Variants in PCSK6 observed in about 807,000 individuals in gnomAD.
PCSK6 encodes proprotein convertase subtilisin/kexin type 6, also known as paired basic amino acid cleaving enzyme 4.
Under a neutral mutation model 123.3 loss-of-function variants are expected in PCSK6, and 85 were observed. The observed-to-expected ratio is 0.69, with a 90% confidence interval of 0.58 to 0.83. PCSK6 has a LOEUF of 0.83. Ranked by LOEUF, PCSK6 falls within the 40% of genes least tolerant of loss-of-function variation. The pLI, the probability that PCSK6 is intolerant of heterozygous loss-of-function variation, is 0.00. For missense variants in PCSK6, 1,191 were observed against 1,282.3 expected (o/e 0.93, Z 1.09); for synonymous variants, 508 against 516.0 (o/e 0.98, Z 0.21).
At chr15:101,440,297 A>G (rs1386644605) in intron 2 of PCSK6, among the ~76,000 whole-genome samples, 1 of 152,260 alleles carries the variant, frequency 6.6e-6, no homozygotes, top group Non-Finnish European at 1.5e-5. Flanking sequence ...GACGGTAAGA[A>G]AAACATCAAG....
rs146289043 is a variant in PCSK6, at chr15:101,386,517, C to T, written c.1311-2092G>A. On this transcript the variant is annotated intron_variant, in intron 9 of 21. Coordinates refer to ENST00000611716, the MANE Select transcript of PCSK6 (RefSeq NM_002570.5). ...GTCCCACGGGACACTCAGTCCCCATCGCTCCTTCTGCAGCCCCTGGCAGGC... is the reference window on the plus strand; with the variant it reads ...GTCCCACGGGACACTCAGTCCCCATTGCTCCTTCTGCAGCCCCTGGCAGGC... 6.0e-4 allele frequency among the ~76,000 whole-genome samples: 91 copies of T among 152,342 alleles called. No individual in the cohort carries two copies. The South Asian group carries it at 6.6e-3, about 11-fold the overall frequency.
At chr15:101,459,023 G>A (rs1351932930) in intron 1 of PCSK6, among the ~76,000 whole-genome samples, 2 of 152,186 alleles carry the variant, frequency 1.3e-5, no homozygotes, top group African/African-American at 2.4e-5. Context: ...AGTGGCGTGT[G>A]TGTAGCTTCT....
At chr15:101,336,810 TG>T in intron 13 of PCSK6, 1 of 19,502 alleles carries the variant, frequency 5.1e-5, no homozygotes, top group African/African-American at 6.7e-4. Flanking sequence ...GGCCAGGCAC[TG>T]ACTGAGCTAA....
chr15:101,319,886 T>G (rs2040076290), intron 18 of PCSK6, among the ~76,000 whole-genome samples: 2 of 152,184 alleles, frequency 1.3e-5, no homozygotes, highest in Non-Finnish European at 2.9e-5. Flanking sequence ...AAGTAAAGTC[T>G]TTCCCTGTGA....
At chr15:101,385,835 A>C (rs1467920278) in intron 9 of PCSK6, among the ~76,000 whole-genome samples, 1 of 152,246 alleles carries the variant, frequency 6.6e-6, no homozygotes, top group Admixed American at 6.5e-5. Context: ...AGTGAAAAGA[A>C]AGATGTATGG....
chr15:101,458,633 G>A (rs1037829053), intron 1 of PCSK6, among the ~76,000 whole-genome samples: 4 of 152,056 alleles, frequency 2.6e-5, no homozygotes, highest in African/African-American at 7.2e-5. Flanking sequence ...CACCCGAAGC[G>A]CGACTGACGG....
chr15:101,410,676 G>T (rs1261497755), intron 6 of PCSK6, among the ~76,000 whole-genome samples: 2 of 152,214 alleles, frequency 1.3e-5, no homozygotes, highest in Admixed American at 1.3e-4. Context: ...CACTGGGCTT[G>T]GTGGCAGCTG....
chr15:101,315,663 G>A (rs2039973573), intron 19 of PCSK6, among the ~76,000 whole-genome samples: 1 of 152,256 alleles, frequency 6.6e-6, no homozygotes, highest in Admixed American at 6.5e-5. Context: ...GCCGTCTCAG[G>A]CACAGGACGC....
At chr15:101,390,610 A>G (rs1275072011) in intron 8 of PCSK6, among the ~76,000 whole-genome samples, 1 of 152,206 alleles carries the variant, frequency 6.6e-6, no homozygotes, top group Non-Finnish European at 1.5e-5. Context: ...GGTGGCCTCC[A>G]AAGGCTGAGA....
intron 6 of PCSK6, among the ~76,000 whole-genome samples, chr15:101,408,484 A>C (rs925616578): frequency 2.0e-5 from 3 of 152,240 alleles, no homozygotes; most frequent in African/African-American, 7.2e-5. Context: ...CCAGGGAGAC[A>C]CAGGGCAGAA....
chr15:101,473,704 C>G (rs2057659180), intron 1 of PCSK6, among the ~76,000 whole-genome samples: 1 of 152,068 alleles, frequency 6.6e-6, no homozygotes, highest in Non-Finnish European at 1.5e-5. Flanking sequence ...ATGGTGAAAC[C>G]CCATCTCTAT....
intron 13 of PCSK6, among the ~76,000 whole-genome samples, chr15:101,362,646 C>T (rs1455631679): frequency 1.3e-5 from 2 of 152,174 alleles, no homozygotes; most frequent in Admixed American, 1.3e-4. Context: ...GTGTGCCGGG[C>T]CCTGCTCTCG....
At chr15:101,421,182 G>A (rs941835778) in intron 6 of PCSK6, among the ~76,000 whole-genome samples, 2 of 152,288 alleles carry the variant, frequency 1.3e-5, no homozygotes, top group South Asian at 2.1e-4. Flanking sequence ...CTGACCTCAG[G>A]TGATCTGCTC....
At chr15:101,418,733 G>A (rs1005187241) in intron 6 of PCSK6, among the ~76,000 whole-genome samples, 2 of 151,964 alleles carry the variant, frequency 1.3e-5, no homozygotes, top group South Asian at 2.1e-4. Flanking sequence ...GGCCGGTCTC[G>A]AGCTCCCGAC....
At position 101,382,107 on chromosome 15, in the gene PCSK6, G is replaced by C. The variant is rs368822674; in HGVS notation, c.1517C>G (p.Ser506Trp). ...AGAGCCTTACCTGGGTCTCTTGTCC[G>C]AGGCGGCCACACACATGTGCTGCGA... ...VPSQHMCVAA[S>W]DKRPRSIPLV... Residue 506 changes from serine (S) to tryptophan (W), a missense_variant, in exon 11 of 22, where the codon TCG becomes TGG. Around this residue, in one of 3 missense-constraint regions of PCSK6, gnomAD observed 630 missense variants for 631.4 expected, o/e 1.00. Coordinates refer to ENST00000611716, the MANE Select transcript of PCSK6 (RefSeq NM_002570.5). 4 of 1,607,510 alleles carry C rather than the reference G, an allele frequency of 2.5e-6. No individual in the cohort carries two copies. The highest frequency in any genetic ancestry group is 3.4e-6 in the Non-Finnish European group (4 of 1,177,010).
At chr15:101,318,999 C>T (rs961164436) in intron 18 of PCSK6, among the ~76,000 whole-genome samples, 3 of 152,252 alleles carry the variant, frequency 2.0e-5, no homozygotes, top group African/African-American at 7.2e-5. Flanking sequence ...TGTGCCCTCA[C>T]TTCACTCCAG....
At position 101,384,335 on chromosome 15, in the gene PCSK6, G is replaced by A. The variant is rs764182549; in HGVS notation, c.1401C>T (p.Gly467=). ...HLKASDWKVN[G]AGHKVSHFYG... is the part of the protein sequence containing the mutation. Reference sequence around the variant, plus strand: ...CCACTGCCGCACCTTTATGACCCGCGCCGTTCACTTTCCAGTCGCTCGCTT... The same window carrying A: ...CCACTGCCGCACCTTTATGACCCGCACCGTTCACTTTCCAGTCGCTCGCTT... The change falls in exon 10 of 22, where the codon GGC becomes GGT. Residue 467 remains glycine (G), a synonymous_variant. Coordinates refer to ENST00000611716, the MANE Select transcript of PCSK6 (RefSeq NM_002570.5). The A allele has an allele frequency of 1.1e-5, 17 of 1,613,492 alleles. No individual in the cohort carries two copies. In the Middle Eastern group the frequency reaches 6.6e-4, roughly 62 times the overall value.
At chr15:101,486,370 T>C (rs1404412135) in intron 1 of PCSK6, among the ~76,000 whole-genome samples, 1 of 152,244 alleles carries the variant, frequency 6.6e-6, no homozygotes, top group Non-Finnish European at 1.5e-5. Context: ...GAATGAAGAA[T>C]GGTTTCTTTC....
intron 10 of PCSK6, among the ~76,000 whole-genome samples, chr15:101,383,364 C>T (rs1297796439): frequency 1.4e-5 from 2 of 139,538 alleles, no homozygotes; most frequent in Non-Finnish European, 3.0e-5. Context: ...GAGCCGAGAT[C>T]GTGCCATTGC....
Sources: allele counts gnomAD v4.1 joint callset (sites outside exome capture counted in the v4.1 genomes callset), GRCh38; gene constraint gnomAD v4.1.1; regional missense constraint gnomAD v4.1.1; transcripts MANE v1.5; gene names NCBI Gene and HGNC (gene_info 2026-07-23, HGNC 2026-07-21).